INTS11: variants seen among roughly 807,000 people sequenced by gnomAD.
INTS11 encodes the protein CPSF3-like protein.
Under a neutral mutation model 78.6 loss-of-function variants are expected in INTS11, and 77 were observed. The ratio of observed to expected loss-of-function variants is 0.98; its 90% confidence interval spans 0.81 to 1.18. The LOEUF (loss-of-function observed/expected upper bound fraction) is 1.18. Among genes scored for constraint, INTS11 ranks in the 50% most tolerant of loss-of-function variants. The pLI, the probability that INTS11 is intolerant of heterozygous loss-of-function variation, is 0.00. For missense variants in INTS11, 875 were observed against 825.9 expected (o/e 1.06, Z -0.73); for synonymous variants, 441 against 326.9 (o/e 1.35, Z -3.77).
Position 1,314,529 on chromosome 1 carries a change from G to C in INTS11, c.703-164C>G. ...CCAGCCGCTCTCCAGAGACAGAAGG[G>C]AGCCGTATGAGAGACAGGAGGGAGC... On this transcript the variant is annotated intron_variant, in intron 7 of 16. Coordinates refer to ENST00000435064, the MANE Select transcript of INTS11 (RefSeq NM_017871.6). The surrounding 1 kb of genome is among the most constrained non-coding windows in gnomAD (Gnocchi z 4.2). The C allele has an allele frequency of 1.5e-6, 1 of 666,962 alleles. No homozygotes were observed. Among genetic ancestry groups the C allele is most frequent in the Non-Finnish European group, 2.5e-6 (1 of 393,862 alleles). 41.3% of individuals were successfully genotyped at this position (666,962 alleles called of 1,614,324 possible). A position where few individuals can be genotyped will look rare whatever the true frequency, so the allele number is the denominator to read the frequency against.
intron 4 of INTS11, chr1:1,318,632 A>G (rs1489220661): frequency 4.9e-6 from 2 of 404,336 alleles, no homozygotes; most frequent in Non-Finnish European, 8.8e-6. Context: ...CCTGGGTAAC[A>G]AAGTGAGACA....
Position 1,312,699 on chromosome 1 carries a change from C to A in INTS11, c.1296G>T (p.Arg432=). Residue 432 remains arginine, a splice_region_variant and synonymous_variant, in exon 13 of 17, where the codon CGG becomes CGT. Transcript: ENST00000435064. ...CATTGGCCGGCATGTAGCAGTTGAC[C>A]CCTGGACCCCGGGGGAAGAGAGAGC... The part of the protein sequence containing the change: ...FLKQKIEQEL[R]VNCYMPANGE... 4 of 1,592,556 alleles carry A rather than the reference C, an allele frequency of 2.5e-6. No homozygotes were observed. The highest frequency in any genetic ancestry group is 3.4e-6 in the Non-Finnish European group (4 of 1,166,478).
intron 4 of INTS11, chr1:1,319,064 G>C (rs200230752): frequency 1.4e-6 from 1 of 719,136 alleles, no homozygotes; most frequent in East Asian, 2.7e-5. Flanking sequence ...TCATAAGCCG[G>C]TGCATACCCC....
chr1:1,312,167 G>T lies in INTS11; in HGVS notation c.1608-20C>A, dbSNP rs750952016. 1 of 1,468,224 alleles carries T rather than the reference G, an allele frequency of 6.8e-7. No homozygotes were observed. Among genetic ancestry groups the T allele is most frequent in the Admixed American group, 2.2e-5 (1 of 45,932 alleles). The allele number at this position is 1,468,224 out of a possible 1,614,324, so 90.9% of individuals were successfully genotyped here. On this transcript the variant is annotated intron_variant, in intron 15 of 16. Transcript: ENST00000435064. The stretch of plus-strand genomic sequence containing the variant: ...AGGACGCTGTGGGGAGGCTCGGTGA[G>T]ACCCTGCCTGGCCTCCAGGGCCCAA...
At chr1:1,312,391 T>C (rs1642261289) in intron 14 of INTS11, 23 bp from the exon 15 acceptor site, 1 of 1,566,422 alleles carries the variant, frequency 6.4e-7, no homozygotes. Context: ...GACAGGTCAG[T>C]GAGCGCAGCA....
chr1:1,312,684 C>A lies in INTS11; in HGVS notation c.1311G>T (p.Met437Ile), dbSNP rs1294755839. Reference sequence around the variant, plus strand: ...GCGTCACCGTCTCGCCATTGGCCGGCATGTAGCAGTTGACCCCTGGACCCC... The same window carrying A: ...GCGTCACCGTCTCGCCATTGGCCGGAATGTAGCAGTTGACCCCTGGACCCC... Reference protein sequence around the residue: ...IEQELRVNCYMPANGETVTLP... With the variant: ...IEQELRVNCYIPANGETVTLP... Residue 437 changes from methionine to isoleucine, a missense_variant, in exon 13 of 17, where the codon ATG becomes ATT. Transcript: ENST00000435064. The A allele has an allele frequency of 1.3e-5, 20 of 1,594,678 alleles. No individual in the cohort carries two copies. Among genetic ancestry groups the A allele is most frequent in the Non-Finnish European group, 1.5e-5 (18 of 1,167,558 alleles).
At chr1:1,321,872 T>C in intron 1 of INTS11, 11 of 1,302,564 alleles carry the variant, frequency 8.4e-6, no homozygotes, top group Non-Finnish European at 1.1e-5. Context: ...AGGAGTCTGA[T>C]GGCAGTGAAC....
At position 1,312,198 on chromosome 1, in the gene INTS11, T is replaced by G. The variant is rs868728948; in HGVS notation, c.1607+28A>C. The G allele has an allele frequency of 1.7e-3, 1,852 of 1,080,264 alleles. 1 individual carries two copies. The highest frequency in any genetic ancestry group is 7.6e-3 in the South Asian group (493 of 64,672). 66.9% of individuals were successfully genotyped at this position (1,080,264 alleles called of 1,614,324 possible). A position where few individuals can be genotyped will look rare whatever the true frequency, so the allele number is the denominator to read the frequency against. On this transcript the variant is annotated intron_variant, in intron 15 of 16. Coordinates refer to ENST00000435064, the MANE Select transcript of INTS11 (RefSeq NM_017871.6). The stretch of plus-strand genomic sequence containing the variant: ...GCCTGGCCTCCAGGGCCCAAGGGAG[T>G]GGGGGGGGGGCGGGGCCGGGCGCCC...
At chr1:1,313,279 T>C in intron 10 of INTS11, 155 bp from the exon 11 acceptor site, 1 of 974,820 alleles carries the variant, frequency 1.0e-6, no homozygotes, top group Non-Finnish European at 1.5e-6. Flanking sequence ...GCTCAGGTTT[T>C]GGCACAAGAC....
intron 1 of INTS11, chr1:1,321,898 T>TGCCCCCCCCCCCC: frequency 8.8e-7 from 1 of 1,141,976 alleles, no homozygotes; most frequent in Non-Finnish European, 1.2e-6. Context: ...TCCCCTTGAA[T>TGCCCCCCCCCCCC]CCCACCCACC....
Position 1,319,477 on chromosome 1 carries a change from A to G in INTS11, c.248T>C (p.Met83Thr). The G allele has an allele frequency of 6.2e-7, 1 of 1,606,204 alleles. No individual in the cohort carries two copies. Among genetic ancestry groups the G allele is most frequent in the South Asian group, 1.1e-5 (1 of 90,346 alleles). The change falls in exon 4 of 17, where the codon ATG becomes ACG. Residue 83 changes from methionine to threonine, a missense_variant. Physicochemically the swap from Met to Thr is moderately conservative, Grantham distance 81 (BLOSUM62 -1). Transcript: ENST00000435064. Reference sequence around the variant, plus strand: ...GTAGATGGGCCCGTCGTAGCCCACCATCTCGCTGAAGTAGGGGAGTGCCCC... The same window carrying G: ...GTAGATGGGCCCGTCGTAGCCCACCGTCTCGCTGAAGTAGGGGAGTGCCCC... ...HCGALPYFSEMVGYDGPIYMT... is the reference protein window; with the variant it reads ...HCGALPYFSETVGYDGPIYMT...
At chr1:1,322,481 C>T (rs1408204632) in intron 1 of INTS11, among the ~76,000 whole-genome samples, 2 of 133,580 alleles carry the variant, frequency 1.5e-5, no homozygotes, top group East Asian at 4.6e-4. Flanking sequence ...ATGAGGAAGC[C>T]TCAAAACTTC....
Position 1,321,043 on chromosome 1 carries a change from T to C in INTS11, c.79A>G (p.Lys27Glu). The part of the protein sequence containing the change: ...RSCILVSIAG[K>E]NVMLDCGMHM... ...ATTCCACAGTCCAGCATGACATTCT[T>C]GCCCGCAATGGAGACCAGGATGCAG... Residue 27 changes from lysine to glutamate, a missense_variant, in exon 2 of 17, where the codon AAG becomes GAG. Coordinates refer to ENST00000435064, the MANE Select transcript of INTS11 (RefSeq NM_017871.6). 1.2e-6 allele frequency: 2 copies of C among 1,613,106 alleles called. No individual in the cohort carries two copies. Among genetic ancestry groups the C allele is most frequent in the Non-Finnish European group, 1.7e-6 (2 of 1,179,914 alleles).
At chr1:1,321,583 G>T (rs1275114966) in intron 1 of INTS11, among the ~76,000 whole-genome samples, 2 of 152,232 alleles carry the variant, frequency 1.3e-5, no homozygotes, top group Non-Finnish European at 2.9e-5. Flanking sequence ...TGGTGCGGCT[G>T]TGGAGGGGCG....
At chr1:1,318,989 C>G (rs1012951141) in intron 4 of INTS11, 6 of 717,222 alleles carry the variant, frequency 8.4e-6, no homozygotes, top group Non-Finnish European at 1.6e-5. Context: ...GCTCCAAGCG[C>G]TCTGAGGGCA....
At chr1:1,321,133 C>T (rs779822988) in intron 1 of INTS11, 40 bp from the exon 2 acceptor site, 6 of 1,511,820 alleles carry the variant, frequency 4.0e-6, no homozygotes, top group African/African-American at 1.4e-5. Context: ...CTGCGCCCCC[C>T]GCCCCCTGTG....
intron 4 of INTS11, 172 bp downstream of exon 4, chr1:1,319,124 G>A (rs769431840): frequency 5.1e-6 from 4 of 787,860 alleles, no homozygotes; most frequent in East Asian, 4.9e-5. Flanking sequence ...TCTGGGACCC[G>A]CATCCTCGCG....
At position 1,312,890 on chromosome 1, in the gene INTS11, G is replaced by A; in HGVS notation, c.1191C>T (p.Gly397=). 1.2e-6 allele frequency: 2 copies of A among 1,612,584 alleles called. No homozygotes were observed. Among genetic ancestry groups the A allele is most frequent in the Non-Finnish European group, 1.7e-6 (2 of 1,179,890 alleles). ...CTGCCTGGCCCACCAGCTGCATGAT[G>A]CCCTTGGCGTCCGCGTGTGCGCTGA... ...MSFSAHADAK[G]IMQLVGQAEP... Residue 397 remains glycine, a synonymous_variant, in exon 12 of 17, where the codon GGC becomes GGT. Transcript: ENST00000435064.
intron 4 of INTS11, among the ~76,000 whole-genome samples, chr1:1,318,353 G>A (rs937382846): frequency 6.6e-6 from 1 of 152,072 alleles, no homozygotes; most frequent in African/African-American, 2.4e-5. Context: ...TGTCTTTCTG[G>A]GTTTAAAATG....
Sources: allele counts gnomAD v4.1 joint callset (sites outside exome capture counted in the v4.1 genomes callset), GRCh38; gene constraint gnomAD v4.1.1; non-coding constraint Gnocchi (gnomAD v3.1); transcripts MANE v1.5; gene names NCBI Gene and HGNC (gene_info 2026-07-23, HGNC 2026-07-21).